The following FAM210A variants were observed in gnomAD, a reference collection of about 807,000 sequenced individuals.
FAM210A encodes family with sequence similarity 210 member A.
In FAM210A, 13 loss-of-function variants were observed where a neutral mutation model predicts 25.3. The observed-to-expected ratio is 0.51, with a 90% CI of 0.33 to 0.82. FAM210A has a LOEUF of 0.82. Ranked by LOEUF, FAM210A falls within the 40% of genes least tolerant of loss-of-function variation. FAM210A has a pLI of 0.02. For missense variants in FAM210A, 319 were observed against 323.2 expected, an observed-to-expected ratio of 0.99 and a Z score of 0.10; for synonymous variants, 125 against 118.7, an observed-to-expected ratio of 1.05 and a Z score of -0.35.
chr18:13,699,178 AGG>A (rs2043719055), intron 1 of FAM210A, among the ~76,000 whole-genome samples: 1 of 152,200 alleles, frequency 6.6e-6, no homozygotes, highest in Non-Finnish European at 1.5e-5. Context: ...GAAAGTAAAA[AGG>A]TGTGAAAGTC....
rs1433686709 is a variant in FAM210A, at chr18:13,664,232, A to G, written c.*2248T>C. On this transcript the variant is annotated 3_prime_UTR_variant, in exon 4 of 4. Coordinates refer to ENST00000651643, the MANE Select transcript of FAM210A (RefSeq NM_152352.4). The stretch of plus-strand genomic sequence containing the variant: ...TTGTCTATTAGACTAACACAACATG[A>G]TCATGAAACTGGATGGCAACAAAAC... 6.6e-6 allele frequency: 1 copy of G among 152,232 alleles called. No homozygotes were observed. Among genetic ancestry groups the G allele is most frequent in the Non-Finnish European group, 1.5e-5 (1 of 68,036 alleles). 9.4% of individuals were successfully genotyped at this position (152,232 alleles called of 1,614,324 possible).
intron 1 of FAM210A, among the ~76,000 whole-genome samples, chr18:13,725,504 G>A (rs2043934378): frequency 6.6e-6 from 1 of 152,220 alleles, no homozygotes; most frequent in South Asian, 2.1e-4. Flanking sequence ...TGACAAGAAG[G>A]AAGGCTGGTA....
intron 1 of FAM210A, among the ~76,000 whole-genome samples, chr18:13,707,325 C>T (rs1395481073): frequency 2.0e-5 from 3 of 152,144 alleles, no homozygotes; most frequent in Non-Finnish European, 4.4e-5. Context: ...CCAAACCAAA[C>T]AAAAGTGGAG....
chr18:13,720,652 A>C (rs1286103818), intron 1 of FAM210A, among the ~76,000 whole-genome samples: 4 of 152,122 alleles, frequency 2.6e-5, no homozygotes, highest in African/African-American at 4.8e-5. Context: ...CATCAATGTG[A>C]TGGGCCAGTA....
chr18:13,690,595 C>T (rs1434659467), intron 1 of FAM210A, among the ~76,000 whole-genome samples: 1 of 152,202 alleles, frequency 6.6e-6, no homozygotes, highest in Non-Finnish European at 1.5e-5. Flanking sequence ...TGCCATTCTG[C>T]AATATTTGCT....
chr18:13,671,744 G>T, intron 3 of FAM210A, 118 bp downstream of exon 3: 1 of 574,124 alleles, frequency 1.7e-6, no homozygotes, highest in East Asian at 2.9e-5. Context: ...TATCAGAGAT[G>T]AAATACAGCG....
chr18:13,712,509 T>G (rs1313072409), intron 1 of FAM210A, among the ~76,000 whole-genome samples: 2 of 152,070 alleles, frequency 1.3e-5, no homozygotes, highest in Non-Finnish European at 2.9e-5. Context: ...ATTATGACAT[T>G]AGGAGGTAGG....
chr18:13,701,050 A>T (rs1301174591), intron 1 of FAM210A, among the ~76,000 whole-genome samples: 1 of 152,156 alleles, frequency 6.6e-6, no homozygotes, highest in Non-Finnish European at 1.5e-5. Context: ...TTCATTGCTC[A>T]ATTAAACTCC....
chr18:13,696,306 T>G (rs1457678931), intron 1 of FAM210A, among the ~76,000 whole-genome samples: 1 of 152,226 alleles, frequency 6.6e-6, no homozygotes, highest in East Asian at 1.9e-4. Flanking sequence ...TGACATTCAT[T>G]AGCAGACTCA....
intron 3 of FAM210A, among the ~76,000 whole-genome samples, chr18:13,669,205 CT>C (rs2043423856): frequency 6.6e-6 from 1 of 152,188 alleles, no homozygotes; most frequent in South Asian, 2.1e-4. Context: ...ATCACCTCAC[CT>C]CACACCAGGT....
At chr18:13,712,245 G>A (rs1267533774) in intron 1 of FAM210A, among the ~76,000 whole-genome samples, 1 of 151,990 alleles carries the variant, frequency 6.6e-6, no homozygotes, top group East Asian at 1.9e-4. Flanking sequence ...TAAGACACAG[G>A]GAAAAACAGC....
At chr18:13,689,694 C>A (rs2043626433) in intron 1 of FAM210A, among the ~76,000 whole-genome samples, 1 of 151,974 alleles carries the variant, frequency 6.6e-6, no homozygotes, top group African/African-American at 2.4e-5. Flanking sequence ...AAAAAGTATA[C>A]CGATTGGAAA....
chr18:13,668,893 C>T (rs530468160), intron 3 of FAM210A, among the ~76,000 whole-genome samples: 4 of 152,258 alleles, frequency 2.6e-5, no homozygotes, highest in African/African-American at 7.2e-5. Context: ...CATGGTTAAC[C>T]GAAATGCTGT....
At chr18:13,681,540 G>A in intron 2 of FAM210A, 65 bp downstream of exon 2, 1 of 1,275,772 alleles carries the variant, frequency 7.8e-7, no homozygotes, top group Non-Finnish European at 1.1e-6. Flanking sequence ...GCTATCATTA[G>A]TACAATTAAA....
At chr18:13,708,648 T>G (rs1050804313) in intron 1 of FAM210A, among the ~76,000 whole-genome samples, 8 of 152,222 alleles carry the variant, frequency 5.3e-5, no homozygotes, top group Admixed American at 5.2e-4. Flanking sequence ...TATTTCATAT[T>G]ATACTATACC....
At chr18:13,685,532 T>C (rs142824708) in intron 1 of FAM210A, among the ~76,000 whole-genome samples, 2 of 152,310 alleles carry the variant, frequency 1.3e-5, no homozygotes, top group African/African-American at 4.8e-5. Context: ...TCAGACACTC[T>C]TTTCTATTGA....
At chr18:13,705,212 T>C (rs764668921) in intron 1 of FAM210A, among the ~76,000 whole-genome samples, 20 of 152,194 alleles carry the variant, frequency 1.3e-4, no homozygotes, top group Admixed American at 9.2e-4. Context: ...ATGAACTCCA[T>C]AGTCTAAGTC....
chr18:13,719,185 T>TA (rs2043881426), intron 1 of FAM210A, among the ~76,000 whole-genome samples: 1 of 152,338 alleles, frequency 6.6e-6, no homozygotes, highest in East Asian at 1.9e-4. Flanking sequence ...ACTGTTTATC[T>TA]AATTCCTCTA....
intron 1 of FAM210A, among the ~76,000 whole-genome samples, chr18:13,685,722 A>G (rs567802716): frequency 1.3e-5 from 2 of 152,206 alleles, no homozygotes; most frequent in African/African-American, 4.8e-5. Flanking sequence ...TTTAAAGCCA[A>G]GCTGTAACCC....
Sources: gnomAD v4.1 joint callset for allele counts (sites outside exome capture counted in the v4.1 genomes callset) on GRCh38, gnomAD v4.1.1 for gene constraint, MANE v1.5 for transcripts, NCBI Gene and HGNC (gene_info 2026-07-23, HGNC 2026-07-21) for gene names.